ZC3H12B: variants seen among roughly 807,000 people sequenced by gnomAD.
ZC3H12B encodes probable ribonuclease ZC3H12B.
A neutral mutation model predicts 43.9 loss-of-function variants in ZC3H12B; 7 were observed. That is an observed-to-expected ratio of 0.16 (90% confidence interval 0.09 to 0.30). The LOEUF is 0.30. Among genes scored for constraint, ZC3H12B ranks in the 10% least tolerant of loss-of-function variants. The probability of loss-of-function intolerance (pLI) is 1.00; values close to 1 mark genes in which losing one functional copy is unlikely to be tolerated. For missense variants in ZC3H12B, 475 were observed against 670.2 expected (o/e 0.71, Z 3.22); for synonymous variants, 222 against 241.7 (o/e 0.92, Z 0.76).
the ZC3H12B span, among the ~76,000 whole-genome samples, chrX:65,095,434 C>A: frequency 1.8e-5 from 2 of 110,918 alleles, no homozygotes; most frequent in Non-Finnish European, 3.8e-5. Context: ...GGTCTTGAGG[C>A]AAATTACTGG....
the ZC3H12B span, among the ~76,000 whole-genome samples, chrX:65,292,163 C>T: frequency 9.0e-6 from 1 of 111,729 alleles, no homozygotes; most frequent in African/African-American, 3.2e-5. Flanking sequence ...CCAAATCAGT[C>T]GGTTTGATGT....
chrX:65,283,814 G>T, the ZC3H12B span, among the ~76,000 whole-genome samples: 3 of 112,008 alleles, frequency 2.7e-5, no homozygotes, highest in Non-Finnish European at 5.6e-5. Context: ...AATTTGGGCT[G>T]TTGCTACTAG....
At chrX:65,109,711 C>T in the ZC3H12B span, among the ~76,000 whole-genome samples, 5 of 111,216 alleles carry the variant, frequency 4.5e-5, no homozygotes, top group Non-Finnish European at 9.5e-5. Context: ...GAGTGTACAC[C>T]CAGGGAGTGG....
At chrX:65,070,821 T>G in the ZC3H12B span, among the ~76,000 whole-genome samples, 21 of 104,752 alleles carry the variant, frequency 2.0e-4, no homozygotes, top group African/African-American at 7.3e-4. Context: ...TTTCTGTTTT[T>G]TTTTTTTTTT....
At chrX:65,212,218 A>G in the ZC3H12B span, among the ~76,000 whole-genome samples, 1 of 49,337 alleles carries the variant, frequency 2.0e-5, no homozygotes, top group Non-Finnish European at 3.3e-5. Context: ...ATAATATATT[A>G]TATATTATAT....
At chrX:65,246,649 A>C in the ZC3H12B span, among the ~76,000 whole-genome samples, 1 of 112,351 alleles carries the variant, frequency 8.9e-6, no homozygotes. Flanking sequence ...TGACAAAAGC[A>C]ATGGGGAAAA....
At chrX:65,171,135 TC>T in the ZC3H12B span, among the ~76,000 whole-genome samples, 1 of 111,505 alleles carries the variant, frequency 9.0e-6, no homozygotes, top group African/African-American at 3.3e-5. Context: ...TTTAGAATTT[TC>T]AGCTTTTCTG....
At chrX:65,247,462 C>A in the ZC3H12B span, among the ~76,000 whole-genome samples, 2 of 112,348 alleles carry the variant, frequency 1.8e-5, no homozygotes, top group African/African-American at 6.5e-5. Context: ...GCACTATTTA[C>A]AATAGCAAAG....
chrX:65,342,098 A>T, the ZC3H12B span, among the ~76,000 whole-genome samples: 1 of 111,618 alleles, frequency 9.0e-6, no homozygotes, highest in Non-Finnish European at 1.9e-5. Flanking sequence ...AGGCAGAAAA[A>T]AACAGGAGTT....
At chrX:65,133,246 C>T in the ZC3H12B span, among the ~76,000 whole-genome samples, 2 of 111,049 alleles carry the variant, frequency 1.8e-5, no homozygotes, top group South Asian at 3.9e-4. Flanking sequence ...ACTTGGCTGC[C>T]TCTACTCTAT....
At chrX:65,239,029 C>T in the ZC3H12B span, among the ~76,000 whole-genome samples, 38 of 112,037 alleles carry the variant, frequency 3.4e-4, 1 homozygote, top group Non-Finnish European at 5.6e-4. Context: ...AGATTAAGTG[C>T]CATGTGGCAA....
At chrX:65,211,541 A>G in the ZC3H12B span, among the ~76,000 whole-genome samples, 4 of 103,903 alleles carry the variant, frequency 3.8e-5, no homozygotes, top group Admixed American at 1.1e-4. Context: ...GAGAAACTAA[A>G]CTCCAGCAAG....
the ZC3H12B span, among the ~76,000 whole-genome samples, chrX:65,109,270 G>A: frequency 4.5e-5 from 5 of 111,370 alleles, no homozygotes; most frequent in Admixed American, 4.8e-4. Context: ...TATTTTCAAA[G>A]TTATGATTCC....
the ZC3H12B span, among the ~76,000 whole-genome samples, chrX:65,259,627 G>T: frequency 8.9e-6 from 1 of 112,084 alleles, no homozygotes; most frequent in Non-Finnish European, 1.9e-5. Context: ...TGATGGGAAT[G>T]TAAAATAGTA....
At chrX:65,179,058 C>G in the ZC3H12B span, among the ~76,000 whole-genome samples, 1 of 111,882 alleles carries the variant, frequency 8.9e-6, no homozygotes, top group African/African-American at 3.3e-5. Context: ...TACATATACA[C>G]CATGGAATAC....
At chrX:65,132,414 G>A in the ZC3H12B span, among the ~76,000 whole-genome samples, 1 of 110,400 alleles carries the variant, frequency 9.1e-6, no homozygotes, top group Non-Finnish European at 1.9e-5. Context: ...AGCGGAGTAA[G>A]GGTGATTAGG....
At chrX:65,156,880 T>A in the ZC3H12B span, among the ~76,000 whole-genome samples, 1 of 112,181 alleles carries the variant, frequency 8.9e-6, no homozygotes, top group Non-Finnish European at 1.9e-5. Flanking sequence ...TTACTAACAT[T>A]TTTAGCACAT....
At chrX:65,150,262 A>G in the ZC3H12B span, among the ~76,000 whole-genome samples, 1 of 111,346 alleles carries the variant, frequency 9.0e-6, no homozygotes, top group Non-Finnish European at 1.9e-5. Context: ...CAATATGAAC[A>G]TTACTCATTT....
chrX:65,230,144 A>G, the ZC3H12B span, among the ~76,000 whole-genome samples: 1 of 111,589 alleles, frequency 9.0e-6, no homozygotes, highest in Non-Finnish European at 1.9e-5. Flanking sequence ...CCAAATGTCC[A>G]ACAATGATAG....
Sources: gnomAD v4.1 joint callset for allele counts (sites outside exome capture counted in the v4.1 genomes callset) on GRCh38, gnomAD v4.1.1 for gene constraint, MANE v1.5 for transcripts, NCBI Gene and HGNC (gene_info 2026-07-23, HGNC 2026-07-21) for gene names.